The following ADGRD1 variants were observed in gnomAD, a reference collection of about 807,000 sequenced individuals.
ADGRD1 encodes the protein G-protein coupled receptor 133.
In ADGRD1, 77 loss-of-function variants were observed where a neutral mutation model predicts 113.4. That is an observed-to-expected ratio of 0.68 (90% confidence interval 0.57 to 0.82). ADGRD1 has a LOEUF of 0.82. Ranked by LOEUF, ADGRD1 falls within the 40% of genes least tolerant of loss-of-function variation. The pLI, the probability that ADGRD1 is intolerant of heterozygous loss-of-function variation, is 0.00. For missense variants in ADGRD1, 1,036 were observed against 1,139.1 expected (o/e 0.91, Z 1.30); for synonymous variants, 474 against 475.0 (o/e 1.00, Z 0.03).
At chr12:131,068,121 G>C (rs565972312) in intron 13 of ADGRD1, among the ~76,000 whole-genome samples, 12 of 152,334 alleles carry the variant, frequency 7.9e-5, no homozygotes, top group Non-Finnish European at 1.6e-4. Context: ...GAGGCCACCA[G>C]ATCGGTCACC....
At position 131,139,314 on chromosome 12, in the gene ADGRD1, A is replaced by C; in HGVS notation, c.*51A>C. On this transcript the variant is annotated 3_prime_UTR_variant, in exon 25 of 25. Transcript: ENST00000261654. ...GCTGCGCTCAGAACACACCCCCCCA[A>C]ACAGAATGAAATGCCCCACCTTTGC... The C allele has an allele frequency of 1.9e-5, 23 of 1,228,652 alleles. No homozygotes were observed. Among genetic ancestry groups the C allele is most frequent in the Non-Finnish European group, 2.7e-5 (23 of 851,414 alleles). The allele number at this position is 1,228,652 out of a possible 1,614,324, so 76.1% of individuals were successfully genotyped here.
In ADGRD1 at chr12:131,060,604, C is replaced by T. The variant is rs1405142375; in HGVS notation, c.1474-16197C>T. 1.3e-5 allele frequency among the ~76,000 whole-genome samples: 2 copies of T among 152,142 alleles called. No individual in the cohort carries two copies. The highest frequency in any genetic ancestry group is 2.4e-5 in the African/African-American group (1 of 41,442). ...CAGCCTCTCCAGGGGCATCAGCAGC[C>T]GTACCACTAAACCAGAGGAGTTGGA... On this transcript the variant is annotated intron_variant, in intron 13 of 24. Transcript: ENST00000261654. The surrounding 1 kb of genome is among the most constrained non-coding windows in gnomAD (Gnocchi z 4.4).
intron 15 of ADGRD1, among the ~76,000 whole-genome samples, chr12:131,089,857 G>C (rs898946231): frequency 2.0e-5 from 3 of 152,254 alleles, no homozygotes; most frequent in Non-Finnish European, 4.4e-5. Context: ...GAATGTTGGG[G>C]TTGTGCCCAT....
chr12:131,026,801 GAGTCTCCC>G (rs766316898), intron 13 of ADGRD1: 4 of 152,128 alleles, frequency 2.6e-5, no homozygotes, highest in Non-Finnish European at 5.9e-5. Context: ...TCCCAGGTGA[GAGTCTCCC>G]AGGGGATATT....
In ADGRD1 at chr12:131,129,181, G is replaced by A. The variant is rs1405743183; in HGVS notation, c.2176-2544G>A. Among the ~76,000 whole-genome samples the A allele has an allele frequency of 3.9e-5, 5 of 128,314 alleles. No homozygotes were observed. The East Asian group carries it at 7.2e-4, about 18-fold the overall frequency. 84.2% of individuals were successfully genotyped at this position (128,314 alleles called of 152,430 possible). ...CTGTCTGAGTGTGAGTGACAGGCCC[G>A]CCCTGCTGTCTGGTGTGAGTGACAG... On this transcript the variant is annotated intron_variant, in intron 20 of 24. Coordinates refer to ENST00000261654, the MANE Select transcript of ADGRD1 (RefSeq NM_198827.5).
At chr12:131,021,220 C>T (rs569069912) in intron 13 of ADGRD1, among the ~76,000 whole-genome samples, 4 of 152,216 alleles carry the variant, frequency 2.6e-5, no homozygotes, top group African/African-American at 7.2e-5. Context: ...CTGATATTAA[C>T]GACAGACGTT....
intron 18 of ADGRD1, 52 bp downstream of exon 18, chr12:131,108,929 C>G (rs751781176): frequency 1.0e-6 from 1 of 976,636 alleles, no homozygotes; most frequent in South Asian, 1.6e-5. Context: ...CAGGAAGAGA[C>G]AGGTGGGGAT....
chr12:130,998,783 T>G (rs1482117015), intron 8 of ADGRD1, among the ~76,000 whole-genome samples: 1 of 152,162 alleles, frequency 6.6e-6, no homozygotes, highest in Non-Finnish European at 1.5e-5. Context: ...CAAGTTTCCA[T>G]GGTGTCCTGG....
In ADGRD1 at chr12:131,060,460, C is replaced by A. The variant is rs770579225; in HGVS notation, c.1474-16341C>A. Among the ~76,000 whole-genome samples, 1 of 152,224 alleles carries A rather than the reference C, an allele frequency of 6.6e-6. No homozygotes were observed. Among genetic ancestry groups the A allele is most frequent in the Non-Finnish European group, 1.5e-5 (1 of 68,046 alleles). On this transcript the variant is annotated intron_variant, in intron 13 of 24. Coordinates refer to ENST00000261654, the MANE Select transcript of ADGRD1 (RefSeq NM_198827.5). This position sits in a 1 kb window ranked among gnomAD's most constrained non-coding sequence, Gnocchi z 4.4. Reference sequence around the variant, plus strand: ...TGTTCAAAAGACCCAGCAGCATGGACAATGCTGTGTCAGAGCGATGCTGGC... The same window carrying A: ...TGTTCAAAAGACCCAGCAGCATGGAAAATGCTGTGTCAGAGCGATGCTGGC...
rs1882179078 is a variant in ADGRD1, at chr12:131,041,972, G to A, written c.1473+27632G>A. On this transcript the variant is annotated intron_variant, in intron 13 of 24. Coordinates refer to ENST00000261654, the MANE Select transcript of ADGRD1 (RefSeq NM_198827.5). This position sits in a 1 kb window ranked among gnomAD's most constrained non-coding sequence, Gnocchi z 4.4. ...GGCGCCGATGACCTAGGGTTCCTTCGCAGTCGGGTTTGTTATCCGAGTCCC... is the reference window on the plus strand; with the variant it reads ...GGCGCCGATGACCTAGGGTTCCTTCACAGTCGGGTTTGTTATCCGAGTCCC... Among the ~76,000 whole-genome samples, 1 of 152,056 alleles carries A rather than the reference G, an allele frequency of 6.6e-6. No homozygotes were observed. The highest frequency in any genetic ancestry group is 2.4e-5 in the African/African-American group (1 of 41,386).
At chr12:131,064,372 T>C (rs971833663) in intron 13 of ADGRD1, among the ~76,000 whole-genome samples, 9 of 152,232 alleles carry the variant, frequency 5.9e-5, no homozygotes, top group African/African-American at 1.7e-4. Flanking sequence ...TGAACAGATA[T>C]TGGATTTTGT....
intron 4 of ADGRD1, among the ~76,000 whole-genome samples, chr12:130,975,780 C>T (rs749253419): frequency 3.3e-5 from 5 of 152,128 alleles, no homozygotes; most frequent in South Asian, 2.1e-4. Flanking sequence ...AAGCCCATTC[C>T]GCTATTGGAC....
intron 21 of ADGRD1, among the ~76,000 whole-genome samples, chr12:131,132,529 C>CG (rs112643563): frequency 0.58 from 88,120 of 151,860 alleles, 27,257 homozygotes; most frequent in Non-Finnish European, 0.71. Flanking sequence ...AGTTGCAGCA[C>CG]CGGGCCCAGC....
At chr12:131,121,153 C>T (rs555994117) in intron 20 of ADGRD1, among the ~76,000 whole-genome samples, 11 of 152,150 alleles carry the variant, frequency 7.2e-5, no homozygotes, top group South Asian at 2.1e-4. Context: ...CTCTTCCAGT[C>T]GAGGCGGCAG....
At position 131,018,498 on chromosome 12, in the gene ADGRD1, G is replaced by A. The variant is rs541914480; in HGVS notation, c.1473+4158G>A. 6.6e-5 allele frequency among the ~76,000 whole-genome samples: 10 copies of A among 151,322 alleles called. No homozygotes were observed. In the East Asian group the frequency reaches 1.8e-3, roughly 27 times the overall value. On this transcript the variant is annotated intron_variant, in intron 13 of 24. Coordinates refer to ENST00000261654, the MANE Select transcript of ADGRD1 (RefSeq NM_198827.5). ...CAGGAGGGAAGCTCCACCTCGGGTC[G>A]GCCGCCTCACGCAGCGCTTCCCTCG... is the stretch of plus-strand genomic sequence containing the variant.
chr12:131,108,301 G>C (rs1950277276), intron 17 of ADGRD1, among the ~76,000 whole-genome samples: 1 of 152,164 alleles, frequency 6.6e-6, no homozygotes. Flanking sequence ...ACCTCTCTGG[G>C]AGCCACGTGG....
In ADGRD1 at chr12:131,022,575, C is replaced by T. The variant is rs551985218; in HGVS notation, c.1473+8235C>T. Among the ~76,000 whole-genome samples, 3 of 152,336 alleles carry T rather than the reference C, an allele frequency of 2.0e-5. No homozygotes were observed. The highest frequency in any genetic ancestry group is 6.5e-5 in the Admixed American group (1 of 15,300). ...AGGGCGCTGTCCGGCTCTATCATTA[C>T]GGATTCTGTTGCTCCCGTTGTCGCG... is the stretch of plus-strand genomic sequence containing the variant. On this transcript the variant is annotated intron_variant, in intron 13 of 24. Transcript: ENST00000261654. This position sits in a 1 kb window ranked among gnomAD's most constrained non-coding sequence, Gnocchi z 4.6.
At chr12:131,092,989 T>A (rs1036701164) in intron 15 of ADGRD1, among the ~76,000 whole-genome samples, 8 of 150,942 alleles carry the variant, frequency 5.3e-5, no homozygotes, top group African/African-American at 2.0e-4. Flanking sequence ...ACCCCTGCAC[T>A]CAGGGCGAGG....
chr12:131,032,109 T>C (rs56280718), intron 13 of ADGRD1, among the ~76,000 whole-genome samples: 16,041 of 152,124 alleles, frequency 0.11, 1,184 homozygotes, highest in Non-Finnish European at 0.16. Context: ...CAAATGTCCT[T>C]CTCCAAGTGT....
Sources: gnomAD v4.1 joint callset for allele counts (sites outside exome capture counted in the v4.1 genomes callset) on GRCh38, gnomAD v4.1.1 for gene constraint, Gnocchi (gnomAD v3.1) non-coding constraint, MANE v1.5 for transcripts, NCBI Gene and HGNC (gene_info 2026-07-23, HGNC 2026-07-21) for gene names.